The following SGCZ variants were observed in gnomAD, a reference collection of about 807,000 sequenced individuals.
SGCZ encodes sarcoglycan zeta.
A neutral mutation model predicts 41.3 loss-of-function variants in SGCZ; 40 were observed. The ratio of observed to expected loss-of-function variants is 0.97; its 90% CI spans 0.75 to 1.26. The LOEUF (loss-of-function observed/expected upper bound fraction) is 1.26, where lower values mean the gene tolerates loss of function less well. Among genes scored for constraint, SGCZ ranks in the 50% most tolerant of loss-of-function variants. The pLI, the probability that SGCZ is intolerant of heterozygous loss-of-function variation, is 0.00. For missense variants in SGCZ, 552 were observed against 369.8 expected (o/e 1.49, Z -4.04); for synonymous variants, 206 against 137.5 (o/e 1.50, Z -3.49).
At chr8:14,134,345 T>C (rs144231920) in intron 5 of SGCZ, among the ~76,000 whole-genome samples, 1 of 152,326 alleles carries the variant, frequency 6.6e-6, no homozygotes, top group African/African-American at 2.4e-5. Flanking sequence ...TGTATCATGA[T>C]GCAGGGAAAG....
intron 1 of SGCZ, among the ~76,000 whole-genome samples, chr8:15,017,093 C>A (rs1803068170): frequency 6.6e-6 from 1 of 152,134 alleles, no homozygotes; most frequent in East Asian, 1.9e-4. Context: ...CAAACCATAT[C>A]AAATAATAGT....
At position 14,749,410 on chromosome 8, in the gene SGCZ, G is replaced by T. The variant is rs1799433444; in HGVS notation, c.40-194484C>A. Among the ~76,000 whole-genome samples the T allele has an allele frequency of 2.0e-5, 3 of 152,162 alleles. No individual in the cohort carries two copies. In the East Asian group the frequency reaches 5.8e-4, roughly 29 times the overall value. On this transcript the variant is annotated intron_variant, in intron 1 of 7. Coordinates refer to ENST00000382080, the MANE Select transcript of SGCZ (RefSeq NM_139167.4). ...GTTCTAGAACGAACATTCCACTGAT[G>T]TGTGTGGGGATGCGTGTACATGCTT...
At chr8:14,452,043 G>C (rs1261684536) in intron 2 of SGCZ, among the ~76,000 whole-genome samples, 2 of 152,194 alleles carry the variant, frequency 1.3e-5, no homozygotes, top group African/African-American at 4.8e-5. Context: ...ACTTATAACA[G>C]CTTTATTCAC....
intron 1 of SGCZ, among the ~76,000 whole-genome samples, chr8:14,791,456 AAAGAAAAAAAAAAAATCCTATTTTT>A (rs1800949202): frequency 6.6e-6 from 1 of 151,742 alleles, no homozygotes; most frequent in South Asian, 2.1e-4. Flanking sequence ...ACAGAAAATA[AAAGAAAAAAAAAAAATCCTATTTTT>A]CCTTTAACCA....
intron 1 of SGCZ, among the ~76,000 whole-genome samples, chr8:15,049,175 GA>G (rs540805480): frequency 4.4e-4 from 67 of 152,278 alleles, no homozygotes; most frequent in African/African-American, 1.6e-3. Flanking sequence ...AGAATAACTG[GA>G]AGGAGAATAG....
At chr8:14,196,493 T>C (rs1177844513) in intron 4 of SGCZ, among the ~76,000 whole-genome samples, 2 of 152,136 alleles carry the variant, frequency 1.3e-5, no homozygotes, top group Non-Finnish European at 2.9e-5. Flanking sequence ...ATGTTTTAAA[T>C]AAACACAAAT....
intron 1 of SGCZ, among the ~76,000 whole-genome samples, chr8:14,916,273 C>T (rs1180131657): frequency 1.3e-5 from 2 of 152,148 alleles, no homozygotes; most frequent in Non-Finnish European, 2.9e-5. Flanking sequence ...TCAAACATAG[C>T]AGCAGTCATG....
rs572916502 is a variant in SGCZ at position 15,081,022 on chromosome 8, G to A, written c.39+156563C>T. Among the ~76,000 whole-genome samples, 27 of 152,186 alleles carry A rather than the reference G, an allele frequency of 1.8e-4. No homozygotes were observed. The South Asian group carries it at 4.4e-3, about 25-fold the overall frequency. The stretch of plus-strand genomic sequence containing the variant: ...GCAGAGAGGCCTCAGCAGAAGCAAC[G>A]CTGCCAACACCTTGATCTTCGACCT... On this transcript the variant is annotated intron_variant, in intron 1 of 7. Coordinates refer to ENST00000382080, the MANE Select transcript of SGCZ (RefSeq NM_139167.4).
At chr8:14,828,245 A>G in intron 1 of SGCZ, among the ~76,000 whole-genome samples, 1 of 152,196 alleles carries the variant, frequency 6.6e-6, no homozygotes, top group East Asian at 1.9e-4. Flanking sequence ...TTAAGAAGGG[A>G]TGAGATGATA....
chr8:14,167,566 C>A (rs1374223041), intron 4 of SGCZ, among the ~76,000 whole-genome samples: 2 of 150,104 alleles, frequency 1.3e-5, no homozygotes, highest in Non-Finnish European at 3.0e-5. Flanking sequence ...AAAGAGAAGT[C>A]AAGGATAGAA....
chr8:14,518,661 A>G (rs1802697423), intron 2 of SGCZ, among the ~76,000 whole-genome samples: 2 of 152,090 alleles, frequency 1.3e-5, no homozygotes, highest in African/African-American at 2.4e-5. Flanking sequence ...TCCATCAATC[A>G]GGTTACATAT....
chr8:14,428,642 T>C (rs930173014), intron 2 of SGCZ, among the ~76,000 whole-genome samples: 3 of 152,146 alleles, frequency 2.0e-5, no homozygotes, highest in African/African-American at 7.2e-5. Context: ...AAATACTGTG[T>C]TCAGCTTTAA....
At chr8:14,308,282 T>A (rs907327830) in intron 3 of SGCZ, among the ~76,000 whole-genome samples, 1 of 151,830 alleles carries the variant, frequency 6.6e-6, no homozygotes, top group Non-Finnish European at 1.5e-5. Context: ...AAAGGTGAAG[T>A]CATGACAATA....
At chr8:14,776,518 C>CTTTTTTTTTTTTTT (rs35602866) in intron 1 of SGCZ, among the ~76,000 whole-genome samples, 1 of 116,632 alleles carries the variant, frequency 8.6e-6, no homozygotes. Flanking sequence ...TTTTCTTTTT[C>CTTTTTTTTTTTTTT]TTTTTTTTTT....
At chr8:15,125,814 A>C (rs1438582997) in intron 1 of SGCZ, among the ~76,000 whole-genome samples, 3 of 152,176 alleles carry the variant, frequency 2.0e-5, no homozygotes, top group Non-Finnish European at 2.9e-5. Flanking sequence ...AAACTTTTAC[A>C]AGTTTGTTTC....
chr8:14,516,498 GATT>G (rs1417303096), intron 2 of SGCZ, among the ~76,000 whole-genome samples: 16 of 151,972 alleles, frequency 1.1e-4, no homozygotes, highest in Admixed American at 9.2e-4. Flanking sequence ...AAATCAAATG[GATT>G]TAAAAAAATA....
chr8:15,188,596 C>G (rs930692239), intron 1 of SGCZ, among the ~76,000 whole-genome samples: 4 of 152,056 alleles, frequency 2.6e-5, no homozygotes, highest in Non-Finnish European at 5.9e-5. Context: ...AAAACATTTA[C>G]CAAGTAAAAT....
At chr8:14,355,567 T>C (rs1032487672) in intron 2 of SGCZ, among the ~76,000 whole-genome samples, 1 of 151,974 alleles carries the variant, frequency 6.6e-6, no homozygotes, top group Non-Finnish European at 1.5e-5. Flanking sequence ...TAATAACGTA[T>C]ATGCTCATTC....
At chr8:14,916,191 T>C (rs1489365881) in intron 1 of SGCZ, among the ~76,000 whole-genome samples, 1 of 152,184 alleles carries the variant, frequency 6.6e-6, no homozygotes, top group Non-Finnish European at 1.5e-5. Context: ...AAGTAACAAA[T>C]AATCTGTGAG....
Sources: gnomAD v4.1 joint callset for allele counts (sites outside exome capture counted in the v4.1 genomes callset) on GRCh38, gnomAD v4.1.1 for gene constraint, MANE v1.5 for transcripts, NCBI Gene and HGNC (gene_info 2026-07-23, HGNC 2026-07-21) for gene names.